WWOX: variants seen among roughly 807,000 people sequenced by gnomAD.
The protein encoded by WWOX is WW domain-containing oxidoreductase.
In WWOX, 69 loss-of-function variants were observed where a neutral mutation model predicts 46.2. The observed-to-expected ratio is 1.49, with a 90% CI of 1.23 to 1.82. The LOEUF is 1.82. Ranked by LOEUF, WWOX falls within the 40% of genes most tolerant of loss-of-function variation. The pLI is 0.00. For synonymous variants in WWOX, 359 were observed against 202.6 expected, an observed-to-expected ratio of 1.77 and a Z score of -6.56; for missense variants, 919 against 542.6, an observed-to-expected ratio of 1.69 and a Z score of -6.89.
intron 8 of WWOX, among the ~76,000 whole-genome samples, chr16:78,975,766 T>A (rs12921519): frequency 0.21 from 32,509 of 152,054 alleles, 3,817 homozygotes; most frequent in Admixed American, 0.31. Flanking sequence ...GCGGAGGTCA[T>A]GATGGAATTC....
chr16:78,535,507 C>CT (rs1202148004), intron 8 of WWOX: 3 of 152,082 alleles, frequency 2.0e-5, no homozygotes, highest in South Asian at 4.1e-4. Flanking sequence ...CTCCCATTAC[C>CT]TTGAAGTAGA....
chr16:78,281,508 T>A (rs540624183), intron 5 of WWOX, among the ~76,000 whole-genome samples: 3 of 152,320 alleles, frequency 2.0e-5, no homozygotes, highest in African/African-American at 7.2e-5. Context: ...CGAAGTTTTG[T>A]GCAAGAGTCA....
chr16:79,142,405 A>C (rs1049833620), intron 8 of WWOX, among the ~76,000 whole-genome samples: 1 of 152,198 alleles, frequency 6.6e-6, no homozygotes, highest in Non-Finnish European at 1.5e-5. Context: ...TCATGTTGAT[A>C]GCTTGATTTC....
chr16:78,457,069 G>T (rs369499430), intron 8 of WWOX, among the ~76,000 whole-genome samples: 151 of 152,282 alleles, frequency 9.9e-4, no homozygotes, highest in African/African-American at 3.5e-3. Flanking sequence ...CCCACCCTAC[G>T]ATTTGAATCT....
At chr16:79,123,786 A>G (rs1193383392) in intron 8 of WWOX, among the ~76,000 whole-genome samples, 2 of 152,288 alleles carry the variant, frequency 1.3e-5, no homozygotes, top group Non-Finnish European at 2.9e-5. Context: ...TGTCAACCTG[A>G]TTTCTTGAAT....
rs111696600 is a variant in WWOX at position 78,546,781 on chromosome 16, G to A, written c.1056+114029G>A. Among the ~76,000 whole-genome samples, 41 of 152,220 alleles carry A rather than the reference G, an allele frequency of 2.7e-4. 1 individual carries two copies. Among genetic ancestry groups the A allele is most frequent in the African/African-American group, 9.6e-4 (40 of 41,530 alleles). ...ATCTAAAGAGATAAGTTACTGACGT[G>A]TGTTACCAGAGAGAGCCTAGAAAAC... On this transcript the variant is annotated intron_variant, in intron 8 of 8. Coordinates refer to ENST00000566780, the MANE Select transcript of WWOX (RefSeq NM_016373.4).
intron 6 of WWOX, among the ~76,000 whole-genome samples, chr16:78,418,607 A>C (rs2082853097): frequency 6.6e-6 from 1 of 152,328 alleles, no homozygotes; most frequent in Non-Finnish European, 1.5e-5. Context: ...ATTGTATATT[A>C]TGACTAAGTG....
intron 8 of WWOX, among the ~76,000 whole-genome samples, chr16:78,505,900 T>G (rs2085190380): frequency 6.6e-6 from 1 of 152,128 alleles, no homozygotes; most frequent in Non-Finnish European, 1.5e-5. Flanking sequence ...TCCCTAATCA[T>G]GAGCAATGTG....
At chr16:79,194,683 C>A (rs1027588584) in intron 8 of WWOX, among the ~76,000 whole-genome samples, 2 of 152,174 alleles carry the variant, frequency 1.3e-5, no homozygotes, top group Non-Finnish European at 2.9e-5. Flanking sequence ...TTCTACAGCC[C>A]CCGCTCTGCT....
At position 78,583,036 on chromosome 16, in the gene WWOX, C is replaced by T. The variant is rs1251772644; in HGVS notation, c.1056+150284C>T. 2.0e-5 allele frequency among the ~76,000 whole-genome samples: 3 copies of T among 152,194 alleles called. No homozygotes were observed. In the East Asian group the frequency reaches 5.8e-4, roughly 29 times the overall value. On this transcript the variant is annotated intron_variant, in intron 8 of 8. Transcript: ENST00000566780. Reference sequence around the variant, plus strand: ...TTCATGCAAGAGACCTAGGAATTCACAGAGTGAAGATGATTTCTCCATTCC... The same window carrying T: ...TTCATGCAAGAGACCTAGGAATTCATAGAGTGAAGATGATTTCTCCATTCC...
chr16:78,885,796 C>G (rs530019806), intron 8 of WWOX, among the ~76,000 whole-genome samples: 1 of 152,094 alleles, frequency 6.6e-6, no homozygotes, highest in East Asian at 1.9e-4. Context: ...GGATTCTTCC[C>G]CCTTCTTACT....
intron 8 of WWOX, chr16:78,996,167 A>G (rs138517083): frequency 1.0e-6 from 1 of 973,498 alleles, no homozygotes; most frequent in Non-Finnish European, 1.2e-6. Flanking sequence ...TTTTTAACGA[A>G]ACTCACATCT....
At chr16:79,183,935 C>T (rs2050962937) in intron 8 of WWOX, among the ~76,000 whole-genome samples, 1 of 152,218 alleles carries the variant, frequency 6.6e-6, no homozygotes, top group Non-Finnish European at 1.5e-5. Context: ...CAGATGACTC[C>T]AGAAGAAAAC....
At chr16:79,078,808 T>C (rs2048707265) in intron 8 of WWOX, among the ~76,000 whole-genome samples, 1 of 152,332 alleles carries the variant, frequency 6.6e-6, no homozygotes, top group Admixed American at 6.5e-5. Flanking sequence ...CAAGTGGTGA[T>C]AATGAGACCT....
chr16:78,144,472 T>C (rs1304241936), intron 4 of WWOX, among the ~76,000 whole-genome samples: 951 of 30,480 alleles, frequency 0.031, 217 homozygotes, highest in African/African-American at 0.13. Flanking sequence ...TACACACATA[T>C]ATATATATAT....
At chr16:79,026,122 C>G (rs372592567) in intron 8 of WWOX, among the ~76,000 whole-genome samples, 1 of 151,740 alleles carries the variant, frequency 6.6e-6, no homozygotes, top group Non-Finnish European at 1.5e-5. Context: ...TTTCAAAACA[C>G]TAAGTGCATC....
At chr16:78,804,795 C>T (rs903072615) in intron 8 of WWOX, among the ~76,000 whole-genome samples, 37 of 152,240 alleles carry the variant, frequency 2.4e-4, no homozygotes, top group African/African-American at 7.9e-4. Flanking sequence ...AAATTCACAG[C>T]CATCAATAGA....
chr16:78,560,919 A>G (rs1448852328), intron 8 of WWOX, among the ~76,000 whole-genome samples: 2 of 152,120 alleles, frequency 1.3e-5, no homozygotes, highest in African/African-American at 4.8e-5. Flanking sequence ...GTTCACATTC[A>G]CATCTTGTTT....
At chr16:78,388,100 C>T (rs909311108) in intron 6 of WWOX, among the ~76,000 whole-genome samples, 5 of 152,308 alleles carry the variant, frequency 3.3e-5, no homozygotes, top group East Asian at 1.9e-4. Context: ...TGCACAATCT[C>T]GCCTTAATGC....
Sources: allele counts gnomAD v4.1 joint callset (sites outside exome capture counted in the v4.1 genomes callset), GRCh38; gene constraint gnomAD v4.1.1; transcripts MANE v1.5; gene names NCBI Gene and HGNC (gene_info 2026-07-23, HGNC 2026-07-21).